The following ZC3H11A variants were observed in gnomAD, a reference collection of about 807,000 sequenced individuals.
ZC3H11A encodes zinc finger CCCH domain-containing protein 11A.
A neutral mutation model predicts 90.8 loss-of-function variants in ZC3H11A; 22 were observed. The observed-to-expected ratio is 0.24, with a 90% CI of 0.17 to 0.35. ZC3H11A has a LOEUF of 0.35. ZC3H11A is among the 10% of genes least tolerant of loss of function. The pLI, the probability that ZC3H11A is intolerant of heterozygous loss-of-function variation, is 1.00. For missense variants in ZC3H11A, 701 were observed against 964.9 expected (o/e 0.73, Z 3.62); for synonymous variants, 294 against 339.8 (o/e 0.87, Z 1.48).
chr1:203,815,030 A>G (rs1006899101), intron 2 of ZC3H11A: 8 of 151,828 alleles, frequency 5.3e-5, no homozygotes, highest in Admixed American at 1.3e-4. Context: ...GGGTTTCGCC[A>G]TGTTGTCCAG....
intron 2 of ZC3H11A, among the ~76,000 whole-genome samples, chr1:203,814,229 A>C (rs1372923517): frequency 6.6e-6 from 1 of 152,174 alleles, no homozygotes; most frequent in Non-Finnish European, 1.5e-5. Flanking sequence ...ACTTTTTAAC[A>C]GGAATAACCT....
chr1:203,804,789 C>G (rs1257620366), intron 2 of ZC3H11A, among the ~76,000 whole-genome samples: 1 of 151,282 alleles, frequency 6.6e-6, no homozygotes, highest in African/African-American at 2.4e-5. Flanking sequence ...TCTTCTGTCT[C>G]AGCCTCCCAA....
chr1:203,799,555 C>T, intron 1 of ZC3H11A: 3 of 703,008 alleles, frequency 4.3e-6, no homozygotes, highest in Non-Finnish European at 7.8e-6. Context: ...GTTGTGCTCA[C>T]CTCCCTTCAG....
chr1:203,806,490 A>G (rs1054164785), intron 2 of ZC3H11A, among the ~76,000 whole-genome samples: 1 of 152,058 alleles, frequency 6.6e-6, no homozygotes, highest in Non-Finnish European at 1.5e-5. Context: ...TTTAATAGAG[A>G]TTAGGTTTCA....
intron 11 of ZC3H11A, among the ~76,000 whole-genome samples, chr1:203,838,405 A>G (rs1357303797): frequency 1.3e-5 from 2 of 152,242 alleles, no homozygotes; most frequent in Non-Finnish European, 2.9e-5. Flanking sequence ...GGTTCACAGA[A>G]GAAGTTATGT....
chr1:203,826,808 TC>T (rs972776638), intron 4 of ZC3H11A, among the ~76,000 whole-genome samples: 32 of 152,162 alleles, frequency 2.1e-4, no homozygotes, highest in African/African-American at 7.2e-4. Flanking sequence ...ATATCTTTTT[TC>T]CCCCTTTTTT....
chr1:203,850,047 T>C (rs1688884756), intron 15 of ZC3H11A, 21 bp downstream of exon 15: 1 of 1,612,210 alleles, frequency 6.2e-7, no homozygotes, highest in Non-Finnish European at 8.5e-7. Context: ...CTATACTGTG[T>C]ATTGCTTTAG....
At chr1:203,813,791 C>T (rs901456685) in intron 2 of ZC3H11A, among the ~76,000 whole-genome samples, 6 of 152,040 alleles carry the variant, frequency 3.9e-5, no homozygotes, top group Admixed American at 3.9e-4. Flanking sequence ...ATCACTCCAG[C>T]CACATGGTCA....
intron 1 of ZC3H11A, chr1:203,797,386 T>TCGCCG: frequency 1.3e-6 from 1 of 785,856 alleles, no homozygotes; most frequent in South Asian, 2.3e-5. Context: ...GGCTTGGAAG[T>TCGCCG]TATTGGTCCA....
intron 5 of ZC3H11A, 86 bp from the exon 6 acceptor site, chr1:203,829,365 T>TATA: frequency 7.5e-7 from 1 of 1,337,086 alleles, no homozygotes; most frequent in Non-Finnish European, 1.1e-6. Flanking sequence ...ACAAATACAC[T>TATA]ATAGTTTTCA....
At chr1:203,805,853 CT>C in intron 2 of ZC3H11A, 1 of 899,646 alleles carries the variant, frequency 1.1e-6, no homozygotes. Context: ...TCATTTGCAT[CT>C]TCCATCATGT....
In ZC3H11A at chr1:203,830,925, A is replaced by ATTTTTTTTTTTT. The variant is rs774771270; in HGVS notation, c.701-709_701-698dup. ...GATTGCTCTGTATTTCCAACCCCCA[A>ATTTTTTTTTTTT]TTTTTTTTTTTTTTTTTTTTTTTTT... On this transcript the variant is annotated intron_variant, in intron 8 of 17. Transcript: ENST00000367210. Among the ~76,000 whole-genome samples the ATTTTTTTTTTTT allele has an allele frequency of 2.1e-4, 11 of 51,384 alleles. 1 individual carries two copies. Among genetic ancestry groups the ATTTTTTTTTTTT allele is most frequent in the Non-Finnish European group, 3.0e-4 (8 of 27,064 alleles). The allele number at this position is 51,384 out of a possible 152,430, so 33.7% of individuals were successfully genotyped here.
At chr1:203,805,575 A>C (rs1030607715) in intron 2 of ZC3H11A, 6 of 614,596 alleles carry the variant, frequency 9.8e-6, no homozygotes, top group African/African-American at 5.5e-5. Context: ...TCAGTATTTC[A>C]TAGTCCCATA....
rs59157538 is a variant in ZC3H11A, at chr1:203,825,428, A to AT, written c.175-2847dup. Reference sequence around the variant, plus strand: ...TGTAGGAGAAATATTACTGTGGAGGATTTTTTTTTTTTTTTTTTTTTTTTG... The same window carrying AT: ...TGTAGGAGAAATATTACTGTGGAGGATTTTTTTTTTTTTTTTTTTTTTTTTG... On this transcript the variant is annotated intron_variant, in intron 4 of 17. Coordinates refer to ENST00000367210, the MANE Select transcript of ZC3H11A (RefSeq NM_001376342.1). 3.7e-3 allele frequency among the ~76,000 whole-genome samples: 298 copies of AT among 81,590 alleles called. 5 individuals carry two copies. Among genetic ancestry groups the AT allele is most frequent in the East Asian group, 9.9e-3 (31 of 3,116 alleles). The allele number at this position is 81,590 out of a possible 152,430, so 53.5% of individuals were successfully genotyped here.
chr1:203,799,069 T>C (rs1282963339), intron 1 of ZC3H11A: 2 of 1,536,156 alleles, frequency 1.3e-6, no homozygotes, highest in South Asian at 2.4e-5. Flanking sequence ...AATGGCAGGA[T>C]CCCCGATTTT....
intron 8 of ZC3H11A, among the ~76,000 whole-genome samples, chr1:203,831,001 A>C (rs562861302): frequency 8.1e-6 from 1 of 123,760 alleles, no homozygotes; most frequent in African/African-American, 3.2e-5. Flanking sequence ...GCTGGAGTGC[A>C]ATGGCGCAAT....
intron 12 of ZC3H11A, among the ~76,000 whole-genome samples, chr1:203,841,470 G>A (rs971286860): frequency 2.0e-5 from 3 of 152,190 alleles, no homozygotes; most frequent in Non-Finnish European, 4.4e-5. Flanking sequence ...ACGGGGTTGG[G>A]AGTAAAGTTA....
chr1:203,816,364 C>A (rs1280064728), intron 2 of ZC3H11A, among the ~76,000 whole-genome samples: 4 of 152,052 alleles, frequency 2.6e-5, no homozygotes, highest in African/African-American at 9.7e-5. Context: ...ATGGCTCACA[C>A]CTATAATCCC....
intron 2 of ZC3H11A, among the ~76,000 whole-genome samples, chr1:203,811,434 G>C (rs1674466085): frequency 6.6e-6 from 1 of 152,162 alleles, no homozygotes; most frequent in African/African-American, 2.4e-5. Flanking sequence ...TCTAAAACCG[G>C]TAACAGTTTC....
Sources: gnomAD v4.1 joint callset for allele counts (sites outside exome capture counted in the v4.1 genomes callset) on GRCh38, gnomAD v4.1.1 for gene constraint, MANE v1.5 for transcripts, NCBI Gene and HGNC (gene_info 2026-07-23, HGNC 2026-07-21) for gene names.